ANKDD1B: variants seen among roughly 807,000 people sequenced by gnomAD.
ANKDD1B encodes the protein ankyrin repeat and death domain containing 1B.
A neutral mutation model predicts 59.7 loss-of-function variants in ANKDD1B; 57 were observed. The ratio of observed to expected loss-of-function variants is 0.95; its 90% confidence interval spans 0.77 to 1.19. The LOEUF (loss-of-function observed/expected upper bound fraction) is 1.19. ANKDD1B is among the 50% of genes most tolerant of loss of function. ANKDD1B has a pLI of 0.00. For synonymous variants in ANKDD1B, 216 were observed against 239.5 expected (o/e 0.90, Z 0.91); for missense variants, 602 against 641.9 (o/e 0.94, Z 0.67).
chr5:75,651,388 C>G (rs914302578), intron 7 of ANKDD1B, among the ~76,000 whole-genome samples: 1 of 152,240 alleles, frequency 6.6e-6, no homozygotes, highest in Non-Finnish European at 1.5e-5. Context: ...CCATGCTGGG[C>G]CATTTGGAGG....
intron 9 of ANKDD1B, among the ~76,000 whole-genome samples, chr5:75,657,418 C>G (rs1775005192): frequency 6.8e-6 from 1 of 146,764 alleles, no homozygotes; most frequent in East Asian, 1.9e-4. Context: ...AAAGATAACT[C>G]TTCTTAATGT....
intron 7 of ANKDD1B, among the ~76,000 whole-genome samples, chr5:75,650,945 G>A (rs771714100): frequency 6.6e-5 from 10 of 152,234 alleles, no homozygotes; most frequent in South Asian, 4.1e-4. Context: ...ATGCCTGGCA[G>A]TTAATGCTGG....
At chr5:75,637,715 GTTAA>G (rs1774355931) in intron 7 of ANKDD1B, among the ~76,000 whole-genome samples, 2 of 152,210 alleles carry the variant, frequency 1.3e-5, no homozygotes, top group East Asian at 1.9e-4. Context: ...AGATAACTCA[GTTAA>G]TTGTTTCTAA....
intron 7 of ANKDD1B, among the ~76,000 whole-genome samples, chr5:75,649,793 A>G (rs1169735657): frequency 6.6e-6 from 1 of 152,208 alleles, no homozygotes; most frequent in Non-Finnish European, 1.5e-5. Flanking sequence ...TTATTCTTCT[A>G]ACAACATCTA....
intron 7 of ANKDD1B, among the ~76,000 whole-genome samples, chr5:75,637,530 C>A (rs532510119): frequency 6.6e-6 from 1 of 152,152 alleles, no homozygotes; most frequent in East Asian, 1.9e-4. Context: ...CCTTAAGATA[C>A]CATTGATTGT....
chr5:75,626,560 A>G (rs1774001280), intron 5 of ANKDD1B, among the ~76,000 whole-genome samples: 1 of 152,170 alleles, frequency 6.6e-6, no homozygotes, highest in South Asian at 2.1e-4. Context: ...ATAATCCTAT[A>G]AGGTAGAAAA....
Position 75,666,923 on chromosome 5 carries a change from G to A in ANKDD1B, c.1323G>A (p.Glu441=). The A allele has an allele frequency of 6.5e-7, 1 of 1,530,714 alleles. No homozygotes were observed. Among genetic ancestry groups the A allele is most frequent in the East Asian group, 2.4e-5 (1 of 40,892 alleles). 94.8% of individuals were successfully genotyped at this position (1,530,714 alleles called of 1,614,324 possible). ...DLAYHQLKAN[E]WQRLARSWNF... is the part of the protein sequence containing the mutation. ...CTTACCATCAGCTGAAGGCCAATGA[G>A]TGGCAGAGGCTGGCCCGTTCGTGGA... is the stretch of plus-strand genomic sequence containing the variant. The change falls in exon 12 of 14, where the codon GAG becomes GAA. Residue 441 remains glutamate, a synonymous_variant. Coordinates refer to ENST00000601380, the MANE Select transcript of ANKDD1B (RefSeq NM_001276713.2).
chr5:75,647,420 C>T lies in ANKDD1B; in HGVS notation c.799-5722C>T, dbSNP rs1471033774. On this transcript the variant is annotated intron_variant, in intron 7 of 13. Transcript: ENST00000601380. ...AAATTTACAAGAAAAAAACAAACAA[C>T]CCCATCAAAAAGTGGGCAAAGGACA... 4.7e-5 allele frequency among the ~76,000 whole-genome samples: 6 copies of T among 127,492 alleles called. 2 individuals carry two copies. Among genetic ancestry groups the T allele is most frequent in the African/African-American group, 2.6e-4 (6 of 23,320 alleles). 83.6% of individuals were successfully genotyped at this position (127,492 alleles called of 152,430 possible).
At chr5:75,613,516 C>G (rs1773627518) in intron 1 of ANKDD1B, among the ~76,000 whole-genome samples, 1 of 152,138 alleles carries the variant, frequency 6.6e-6, no homozygotes, top group Non-Finnish European at 1.5e-5. Flanking sequence ...GTAGACTCAC[C>G]TAGGTGGGAA....
chr5:75,621,238 C>G (rs1773839646), intron 3 of ANKDD1B, among the ~76,000 whole-genome samples: 1 of 152,242 alleles, frequency 6.6e-6, no homozygotes, highest in African/African-American at 2.4e-5. Context: ...ATAGGAGCTC[C>G]CTTCTCCTCT....
At position 75,632,983 on chromosome 5, in the gene ANKDD1B, T is replaced by G. The variant is rs191877472; in HGVS notation, c.601-1915T>G. Among the ~76,000 whole-genome samples, 82 of 152,356 alleles carry G rather than the reference T, an allele frequency of 5.4e-4. 2 individuals are homozygous for G. In the East Asian group the frequency reaches 0.012, roughly 21 times the overall value. The stretch of plus-strand genomic sequence containing the variant: ...TGACCAGATGTTTTCATCTGGTATA[T>G]AATCACTGTCTCTTGTTCCCTCTTT... On this transcript the variant is annotated intron_variant, in intron 5 of 13. Coordinates refer to ENST00000601380, the MANE Select transcript of ANKDD1B (RefSeq NM_001276713.2).
intron 1 of ANKDD1B, 98 bp downstream of exon 1, chr5:75,611,925 A>C: frequency 9.6e-7 from 1 of 1,038,968 alleles, no homozygotes; most frequent in Non-Finnish European, 1.2e-6. Context: ...CGGACGCTGC[A>C]GGAGGGAAAC....
intron 7 of ANKDD1B, among the ~76,000 whole-genome samples, chr5:75,639,998 GTA>G (rs1774421421): frequency 6.6e-6 from 1 of 151,486 alleles, no homozygotes; most frequent in African/African-American, 2.4e-5. Flanking sequence ...TTCTAATTTT[GTA>G]TGTTTCATAC....
intron 13 of ANKDD1B, among the ~76,000 whole-genome samples, chr5:75,670,114 A>G (rs113132645): frequency 2.3e-3 from 354 of 152,346 alleles, no homozygotes; most frequent in African/African-American, 7.7e-3. Flanking sequence ...ACCTTCCATC[A>G]CATGATCTCA....
chr5:75,624,839 C>T (rs1773948044), intron 3 of ANKDD1B, among the ~76,000 whole-genome samples: 1 of 152,104 alleles, frequency 6.6e-6, no homozygotes, highest in Non-Finnish European at 1.5e-5. Flanking sequence ...TTAATCACTC[C>T]TTTTTAACAA....
intron 7 of ANKDD1B, among the ~76,000 whole-genome samples, chr5:75,649,903 T>C (rs2111987102): frequency 6.6e-6 from 1 of 152,360 alleles, no homozygotes; most frequent in Admixed American, 6.5e-5. Context: ...TGAAATGTAA[T>C]GTCTGAGATC....
rs183892632 is a variant in ANKDD1B at position 75,623,214 on chromosome 5, C to T, written c.397-2433C>T. 3.2e-4 allele frequency among the ~76,000 whole-genome samples: 48 copies of T among 151,976 alleles called. No homozygotes were observed. In the East Asian group the frequency reaches 6.4e-3, roughly 20 times the overall value. ...CCAAGTAGCTGGGATTACAGGCATG[C>T]GCCACCATGCCTGGCTAATTTTGTA... On this transcript the variant is annotated intron_variant, in intron 3 of 13. Transcript: ENST00000601380.
intron 7 of ANKDD1B, among the ~76,000 whole-genome samples, chr5:75,649,758 C>T (rs1774776966): frequency 6.6e-6 from 1 of 152,216 alleles, no homozygotes; most frequent in Admixed American, 6.5e-5. Context: ...TTATGTCTTG[C>T]TGTAGAACTT....
In ANKDD1B at chr5:75,658,321, G is replaced by GGCAGAAA. The variant is rs557108139; in HGVS notation, c.997-961_997-960insCAGAAAG. Among the ~76,000 whole-genome samples the GGCAGAAA allele has an allele frequency of 2.0e-5, 3 of 152,300 alleles. No homozygotes were observed. In the South Asian group the frequency reaches 6.2e-4, roughly 32 times the overall value. On this transcript the variant is annotated intron_variant, in intron 9 of 13. Transcript: ENST00000601380. ...TGCCATTGCCCAGCTCTGTGAGTCT[G>GGCAGAAA]GGGTAGTTGCTTCCCTTTCTGGTTA...
Sources: allele counts gnomAD v4.1 joint callset (sites outside exome capture counted in the v4.1 genomes callset), GRCh38; gene constraint gnomAD v4.1.1; transcripts MANE v1.5; gene names NCBI Gene and HGNC (gene_info 2026-07-23, HGNC 2026-07-21).